The following EPB41L2 variants were observed in gnomAD, a reference collection of about 807,000 sequenced individuals.
EPB41L2 encodes erythrocyte membrane protein band 4.1 like 2, also known as band 4.1-like protein 2.
In EPB41L2, 43 loss-of-function variants were observed where a neutral mutation model predicts 113.0. The observed-to-expected ratio is 0.38, with a 90% CI of 0.30 to 0.49. The LOEUF (loss-of-function observed/expected upper bound fraction) is 0.49. EPB41L2 is among the 20% of genes least tolerant of loss of function. The pLI, the probability that EPB41L2 is intolerant of heterozygous loss-of-function variation, is 0.95. For synonymous variants in EPB41L2, 442 were observed against 436.7 expected (o/e 1.01, Z -0.15); for missense variants, 1,147 against 1,223.4 (o/e 0.94, Z 0.93).
At chr6:130,853,852 C>A (rs1165592460) in intron 19 of EPB41L2, among the ~76,000 whole-genome samples, 1 of 152,174 alleles carries the variant, frequency 6.6e-6, no homozygotes, top group Non-Finnish European at 1.5e-5. Flanking sequence ...TTGTCCTGAT[C>A]CTGCTCTTTG....
intron 1 of EPB41L2, among the ~76,000 whole-genome samples, chr6:130,975,746 A>G (rs1219377250): frequency 1.3e-5 from 2 of 152,196 alleles, no homozygotes; most frequent in Non-Finnish European, 2.9e-5. Flanking sequence ...ACCTCTGGCC[A>G]GGCGTGGTAG....
chr6:131,004,683 A>G (rs1037899849), intron 1 of EPB41L2, among the ~76,000 whole-genome samples: 1 of 152,204 alleles, frequency 6.6e-6, no homozygotes, highest in African/African-American at 2.4e-5. Flanking sequence ...AAGCCCACCC[A>G]GAAATGAGGT....
chr6:130,963,941 G>C (rs1240851466), intron 1 of EPB41L2, among the ~76,000 whole-genome samples: 1 of 152,084 alleles, frequency 6.6e-6, no homozygotes, highest in Non-Finnish European at 1.5e-5. Context: ...TTGGTGAACT[G>C]CATCTGCTCT....
chr6:131,008,342 T>C (rs1028343933), intron 1 of EPB41L2, among the ~76,000 whole-genome samples: 4 of 152,172 alleles, frequency 2.6e-5, no homozygotes, highest in African/African-American at 9.7e-5. Flanking sequence ...CGCGCAGAAG[T>C]TAAAAATTGA....
rs1193695866 is a variant in EPB41L2, at chr6:130,951,475, C to T, written c.705+3630G>A. Among the ~76,000 whole-genome samples the T allele has an allele frequency of 2.6e-5, 4 of 151,712 alleles. No homozygotes were observed. In the East Asian group the frequency reaches 7.9e-4, roughly 30 times the overall value. Reference sequence around the variant, plus strand: ...CAGTAGCTGGGATTATAGGCACTCACCACCACGCCCGGCTAAAATTTTTGT... The same window carrying T: ...CAGTAGCTGGGATTATAGGCACTCATCACCACGCCCGGCTAAAATTTTTGT... On this transcript the variant is annotated intron_variant, in intron 3 of 19. Coordinates refer to ENST00000337057, the MANE Select transcript of EPB41L2 (RefSeq NM_001431.4).
chr6:130,890,257 G>T (rs1275568026), intron 11 of EPB41L2, 37 bp downstream of exon 11: 1 of 1,582,110 alleles, frequency 6.3e-7, no homozygotes, highest in Non-Finnish European at 8.6e-7. Flanking sequence ...ATTAGAGAAA[G>T]ATGAATGAAA....
Position 130,956,464 on chromosome 6 carries a change from C to T in EPB41L2, c.22G>A (p.Val8Met), listed in dbSNP as rs769845405. The T allele has an allele frequency of 6.2e-7, 1 of 1,613,632 alleles. No homozygotes were observed. The highest frequency in any genetic ancestry group is 1.7e-5 in the Admixed American group (1 of 60,016). Residue 8 changes from valine to methionine, a missense_variant, in exon 2 of 20, where the codon GTG (valine) becomes ATG (methionine). Transcript: ENST00000337057. ...CTAGAGTCCTTCTTCACTTCAGACA[C>T]AGAGCCTACTTCAGTAGTCATGGCC... MTTEVGSVSEVKKDSSQL... is the reference protein window; with the variant it reads MTTEVGSMSEVKKDSSQL...
intron 5 of EPB41L2, among the ~76,000 whole-genome samples, chr6:130,907,355 C>T (rs1297581684): frequency 6.6e-6 from 1 of 152,218 alleles, no homozygotes; most frequent in Non-Finnish European, 1.5e-5. Flanking sequence ...CTGGTGTCTA[C>T]TTATTCCTCT....
At chr6:130,910,355 T>A (rs1798991461) in intron 4 of EPB41L2, among the ~76,000 whole-genome samples, 1 of 152,196 alleles carries the variant, frequency 6.6e-6, no homozygotes, top group Non-Finnish European at 1.5e-5. Flanking sequence ...GACTCCTTCC[T>A]TACACCTTAT....
chr6:130,885,025 C>A, intron 12 of EPB41L2, 71 bp downstream of exon 12: 1 of 1,529,292 alleles, frequency 6.5e-7, no homozygotes, highest in Non-Finnish European at 8.9e-7. Context: ...ATTTCTGAAA[C>A]AGAAAATACA....
chr6:130,885,380 A>T, intron 11 of EPB41L2, 112 bp from the exon 12 acceptor site: 1 of 930,860 alleles, frequency 1.1e-6, no homozygotes, highest in Non-Finnish European at 1.6e-6. Context: ...GTGAACAGGA[A>T]CAGAGACATT....
At chr6:130,892,468 G>GT (rs1793288933) in intron 10 of EPB41L2, among the ~76,000 whole-genome samples, 1 of 136,470 alleles carries the variant, frequency 7.3e-6, no homozygotes, top group African/African-American at 2.7e-5. Flanking sequence ...GCTTGGACCT[G>GT]TGTCATAAAT....
At chr6:130,950,517 C>T (rs573573970) in intron 3 of EPB41L2, among the ~76,000 whole-genome samples, 12 of 151,908 alleles carry the variant, frequency 7.9e-5, no homozygotes, top group African/African-American at 2.2e-4. Flanking sequence ...TTTGAATCAA[C>T]GATTTAAAAA....
At chr6:130,983,856 A>C (rs1457815442) in intron 1 of EPB41L2, among the ~76,000 whole-genome samples, 1 of 152,088 alleles carries the variant, frequency 6.6e-6, no homozygotes, top group Admixed American at 6.5e-5. Flanking sequence ...AACACTGTAC[A>C]CTTAGGCCAC....
chr6:130,874,530 A>G (rs919083898), intron 14 of EPB41L2, among the ~76,000 whole-genome samples: 1 of 152,228 alleles, frequency 6.6e-6, no homozygotes, highest in Non-Finnish European at 1.5e-5. Flanking sequence ...AACTAATAGT[A>G]GTATGTTATT....
chr6:130,974,729 T>C (rs976218870), intron 1 of EPB41L2, among the ~76,000 whole-genome samples: 1 of 128,906 alleles, frequency 7.8e-6, no homozygotes, highest in African/African-American at 2.9e-5. Flanking sequence ...TTTTTTTTTT[T>C]TTTTTTTTTT....
intron 14 of EPB41L2, among the ~76,000 whole-genome samples, chr6:130,870,546 C>T (rs1227442306): frequency 6.6e-6 from 1 of 152,136 alleles, no homozygotes; most frequent in Non-Finnish European, 1.5e-5. Flanking sequence ...TGCCAAAAAG[C>T]TTACAAAAAG....
At chr6:130,904,955 T>C (rs1797307280) in intron 5 of EPB41L2, among the ~76,000 whole-genome samples, 1 of 151,120 alleles carries the variant, frequency 6.6e-6, no homozygotes, top group South Asian at 2.1e-4. Flanking sequence ...TCTACATTGT[T>C]GTGGGGAAGG....
At chr6:131,058,812 TCAAGAA>T (rs1213890983) in intron 1 of EPB41L2, among the ~76,000 whole-genome samples, 5 of 152,152 alleles carry the variant, frequency 3.3e-5, no homozygotes, top group African/African-American at 1.2e-4. Flanking sequence ...GGTCAGGAGT[TCAAGAA>T]CAGCCTGGTC....
Sources: allele counts gnomAD v4.1 joint callset (sites outside exome capture counted in the v4.1 genomes callset), GRCh38; gene constraint gnomAD v4.1.1; transcripts MANE v1.5; gene names NCBI Gene and HGNC (gene_info 2026-07-23, HGNC 2026-07-21).